Variants in UBE2O observed in about 807,000 individuals in gnomAD.
The protein encoded by UBE2O is ubiquitin conjugating enzyme E2 O, also known as (E3-independent) E2 ubiquitin-conjugating enzyme.
UBE2O carries 15 observed loss-of-function variants against 125.8 expected under a neutral mutation model. The ratio of observed to expected loss-of-function variants is 0.12; its 90% CI spans 0.08 to 0.18. The LOEUF (loss-of-function observed/expected upper bound fraction) is 0.18. UBE2O is among the 10% of genes least tolerant of loss of function. The pLI is 1.00. For synonymous variants in UBE2O, 708 were observed against 703.2 expected (o/e 1.01, Z -0.11); for missense variants, 1,280 against 1,723.6 (o/e 0.74, Z 4.56).
rs369775609 is a variant in UBE2O at position 76,405,190 on chromosome 17, G to T, written c.588+16C>A. 45 of 1,582,376 alleles carry T rather than the reference G, an allele frequency of 2.8e-5. No individual in the cohort carries two copies. In the African/African-American group the frequency reaches 5.5e-4, roughly 19 times the overall value. On this transcript the variant is annotated intron_variant, in intron 3 of 17. Transcript: ENST00000319380. This position sits in a 1 kb window ranked among gnomAD's most constrained non-coding sequence, Gnocchi z 6.1. Reference sequence around the variant, plus strand: ...GAGGGCCCAGAAAGGATGATGAGAAGACAGGGCCGGCTCACCCAGATGTGC... The same window carrying T: ...GAGGGCCCAGAAAGGATGATGAGAATACAGGGCCGGCTCACCCAGATGTGC...
rs138410942 is a variant in UBE2O at position 76,405,720 on chromosome 17, C to A, written c.418-148G>T. The A allele has an allele frequency of 1.9e-4, 135 of 725,940 alleles. No homozygotes were observed. The African/African-American group carries it at 2.1e-3, about 11-fold the overall frequency. The allele number at this position is 725,940 out of a possible 1,614,324, so 45.0% of individuals were successfully genotyped here. On this transcript the variant is annotated intron_variant, in intron 1 of 17. Coordinates refer to ENST00000319380, the MANE Select transcript of UBE2O (RefSeq NM_022066.4). The surrounding 1 kb of genome is among the most constrained non-coding windows in gnomAD (Gnocchi z 6.1). Reference sequence around the variant, plus strand: ...TGGCTAGCAGTATCTTCACAGACCGCACACACCTCCGACCAGCACCCAGAC... The same window carrying A: ...TGGCTAGCAGTATCTTCACAGACCGAACACACCTCCGACCAGCACCCAGAC...
intron 1 of UBE2O, among the ~76,000 whole-genome samples, chr17:76,429,279 T>C (rs182585882): frequency 1.4e-4 from 21 of 151,976 alleles, no homozygotes; most frequent in African/African-American, 4.8e-4. Context: ...TGGTGGCTCA[T>C]GCCTGTGATC....
Position 76,391,324 on chromosome 17 carries a change from G to A in UBE2O, c.3498C>T (p.Ser1166=), listed in dbSNP as rs1385690605. The change falls in exon 18 of 18, where the codon AGC becomes AGT. Residue 1166 remains serine (S), a synonymous_variant. Transcript: ENST00000319380. The surrounding 1 kb of genome is among the most constrained non-coding windows in gnomAD (Gnocchi z 8.4). ...CTACAGCTGGGGGCTCTGGCGAGCT[G>A]CTGGCCTTGGGCACCCCGTTGGGCA... is the stretch of plus-strand genomic sequence containing the variant. ...QALPNGVPKA[S]SSPEPPAVAE... 1.2e-6 allele frequency: 2 copies of A among 1,612,982 alleles called. No individual in the cohort carries two copies. Among genetic ancestry groups the A allele is most frequent in the Non-Finnish European group, 1.7e-6 (2 of 1,180,012 alleles).
chr17:76,453,047 G>A lies in UBE2O; in HGVS notation c.95C>T (p.Pro32Leu). ...PEAVPAPAAAPVPAPAPASDS... is the reference protein window; with the variant it reads ...PEAVPAPAAALVPAPAPASDS... ...CGAGGCGGGCGCCGGCGCCGGGACG[G>A]GGGCTGCGGCTGGGGCCGGGACTGC... The change falls in exon 1 of 18, where the codon CCC becomes CTC. Residue 32 changes from proline (P) to leucine (L), a missense_variant. Pro to Leu is a moderately conservative substitution (Grantham distance 98). Around this residue, in one of 10 missense-constraint regions of UBE2O, gnomAD observed 188 missense variants for 192.5 expected, o/e 0.98. Transcript: ENST00000319380. The A allele has an allele frequency of 1.4e-6, 2 of 1,405,276 alleles. No homozygotes were observed. Among genetic ancestry groups the A allele is most frequent in the African/African-American group, 3.0e-5 (2 of 66,068 alleles). The allele number at this position is 1,405,276 out of a possible 1,614,324, so 87.1% of individuals were successfully genotyped here. A position where few individuals can be genotyped will look rare whatever the true frequency, so the allele number is the denominator to read the frequency against.
At position 76,396,167 on chromosome 17, in the gene UBE2O, C is replaced by T. The variant is rs1567831057; in HGVS notation, c.2770G>A (p.Ala924Thr). ...AGTACGGAGAAGACCTCGCCCTTGG[C>T]GCTGGTGAAGGTGACGCCAGGCTTG... ...GGKPGVTFTS[A>T]KGEVFSVLEF... The change falls in exon 14 of 18, where the codon GCC (alanine) becomes ACC (threonine). Residue 924 changes from alanine to threonine, a missense_variant. By Grantham distance (58) the Ala-to-Thr change is moderately conservative. This residue lies in a region of UBE2O where 116 missense variants were observed against 154.8 expected (regional missense o/e 0.75). Coordinates refer to ENST00000319380, the MANE Select transcript of UBE2O (RefSeq NM_022066.4). This position sits in a 1 kb window ranked among gnomAD's most constrained non-coding sequence, Gnocchi z 6.7. The T allele has an allele frequency of 6.2e-7, 1 of 1,613,238 alleles. No homozygotes were observed. Among genetic ancestry groups the T allele is most frequent in the Non-Finnish European group, 8.5e-7 (1 of 1,179,516 alleles).
At position 76,452,035 on chromosome 17, in the gene UBE2O, T is replaced by C. The variant is rs1457065704; in HGVS notation, c.417+690A>G. Among the ~76,000 whole-genome samples, 1 of 152,102 alleles carries C rather than the reference T, an allele frequency of 6.6e-6. No individual in the cohort carries two copies. The highest frequency in any genetic ancestry group is 1.5e-5 in the Non-Finnish European group (1 of 68,026). ...CTCTACCCAGGGTTCTGGATTATTT[T>C]TTTCAAGGAGTCCATATGCACTTAG... On this transcript the variant is annotated intron_variant, in intron 1 of 17. Transcript: ENST00000319380. This position sits in a 1 kb window ranked among gnomAD's most constrained non-coding sequence, Gnocchi z 4.4.
chr17:76,447,490 A>G (rs1321110597), intron 1 of UBE2O, among the ~76,000 whole-genome samples: 1 of 152,226 alleles, frequency 6.6e-6, no homozygotes, highest in Admixed American at 6.5e-5. Context: ...ATACTCTATC[A>G]TCTTTGTAAT....
chr17:76,439,854 T>A (rs1381630660), intron 1 of UBE2O, among the ~76,000 whole-genome samples: 1 of 152,190 alleles, frequency 6.6e-6, no homozygotes. Flanking sequence ...CACCACATCC[T>A]TCAGCATCTC....
Position 76,391,771 on chromosome 17 carries a change from G to A in UBE2O, c.3193C>T (p.Leu1065Phe), listed in dbSNP as rs2072118458. The change falls in exon 17 of 18, where the codon CTC becomes TTC. Residue 1065 changes from leucine to phenylalanine, a missense_variant. This residue lies in a region of UBE2O where 37 missense variants were observed against 115.6 expected (regional missense o/e 0.32). Coordinates refer to ENST00000319380, the MANE Select transcript of UBE2O (RefSeq NM_022066.4). This position sits in a 1 kb window ranked among gnomAD's most constrained non-coding sequence, Gnocchi z 8.4. ...CCAACTGTACCTTGGATGGAGATGA[G>A]CACCTGGAGAAGGCTGGACTTGCTT... ...WTSKSSLLQV[L>F]ISIQGLILVN... 2 of 1,614,160 alleles carry A rather than the reference G, an allele frequency of 1.2e-6. No homozygotes were observed. The highest frequency in any genetic ancestry group is 1.7e-6 in the Non-Finnish European group (2 of 1,180,028).
intron 1 of UBE2O, among the ~76,000 whole-genome samples, chr17:76,412,675 A>G (rs566589125): frequency 6.6e-6 from 1 of 152,236 alleles, no homozygotes; most frequent in East Asian, 1.9e-4. Flanking sequence ...AGTTCAAGAC[A>G]GGGGTCACGT....
intron 1 of UBE2O, among the ~76,000 whole-genome samples, chr17:76,450,353 G>T (rs2073219663): frequency 6.6e-6 from 1 of 151,998 alleles, no homozygotes; most frequent in Admixed American, 6.6e-5. Context: ...ATAGCTCATG[G>T]TAACAGAGCT....
intron 1 of UBE2O, among the ~76,000 whole-genome samples, chr17:76,428,345 G>A (rs553002261): frequency 3.3e-5 from 5 of 152,112 alleles, no homozygotes; most frequent in Admixed American, 6.5e-5. Flanking sequence ...ATACATTATG[G>A]TCCTTAATTT....
At chr17:76,407,976 A>G (rs2072452685) in intron 1 of UBE2O, among the ~76,000 whole-genome samples, 1 of 151,966 alleles carries the variant, frequency 6.6e-6, no homozygotes, top group Non-Finnish European at 1.5e-5. Context: ...TGGTGGCTAC[A>G]CTCCCTTCCA....
chr17:76,450,996 G>A (rs908931915), intron 1 of UBE2O, among the ~76,000 whole-genome samples: 9 of 152,150 alleles, frequency 5.9e-5, no homozygotes, highest in Non-Finnish European at 1.2e-4. Context: ...GGAGGCAAAC[G>A]GAGCATAACT....
intron 1 of UBE2O, among the ~76,000 whole-genome samples, chr17:76,426,223 C>T (rs967827336): frequency 3.3e-5 from 5 of 152,118 alleles, no homozygotes; most frequent in African/African-American, 1.2e-4. Context: ...AGGCTGGTCT[C>T]GAACGGGGCT....
chr17:76,419,895 G>C (rs763675176), intron 1 of UBE2O, among the ~76,000 whole-genome samples: 4 of 152,220 alleles, frequency 2.6e-5, no homozygotes, highest in Non-Finnish European at 5.9e-5. Context: ...GAAGCATGCC[G>C]GCAGAAGGAG....
In UBE2O at chr17:76,452,589, C is replaced by G; in HGVS notation, c.417+136G>C. The G allele has an allele frequency of 1.3e-6, 1 of 794,318 alleles. No individual in the cohort carries two copies. Among genetic ancestry groups the G allele is most frequent in the Non-Finnish European group, 1.7e-6 (1 of 574,272 alleles). 49.2% of individuals were successfully genotyped at this position (794,318 alleles called of 1,614,324 possible). On this transcript the variant is annotated intron_variant, in intron 1 of 17. Transcript: ENST00000319380. The surrounding 1 kb of genome is among the most constrained non-coding windows in gnomAD (Gnocchi z 4.4). ...AATGACTTTGCATGGAGTGTACCCT[C>G]CACTGGGGCTGTCCTCCCGCGTCGG...
chr17:76,446,494 G>GA (rs2073154998), intron 1 of UBE2O, among the ~76,000 whole-genome samples: 1 of 152,018 alleles, frequency 6.6e-6, no homozygotes, highest in Admixed American at 6.6e-5. Context: ...AAAACAGAGA[G>GA]AAACAGGGAT....
chr17:76,437,427 G>A (rs1425641397), intron 1 of UBE2O, among the ~76,000 whole-genome samples: 2 of 147,626 alleles, frequency 1.4e-5, no homozygotes, highest in East Asian at 3.9e-4. Flanking sequence ...TCCAGCCTGG[G>A]CGACAGAGCG....
Sources: allele counts gnomAD v4.1 joint callset (sites outside exome capture counted in the v4.1 genomes callset), GRCh38; gene constraint gnomAD v4.1.1; regional missense constraint gnomAD v4.1.1; non-coding constraint Gnocchi (gnomAD v3.1); transcripts MANE v1.5; gene names NCBI Gene and HGNC (gene_info 2026-07-23, HGNC 2026-07-21).